Variants in XDH observed in about 807,000 individuals in gnomAD.
XDH encodes the protein xanthine dehydrogenase.
A neutral mutation model predicts 156.1 loss-of-function variants in XDH; 138 were observed. That is an observed-to-expected ratio of 0.88 (90% CI 0.77 to 1.02). The LOEUF (loss-of-function observed/expected upper bound fraction) is 1.02, where lower values mean the gene tolerates loss of function less well. Among genes scored for constraint, XDH ranks in the 50% least tolerant of loss-of-function variants. The pLI, the probability that XDH is intolerant of heterozygous loss-of-function variation, is 0.00. For missense variants in XDH, 1,849 were observed against 1,684.9 expected, an observed-to-expected ratio of 1.10 and a Z score of -1.71; for synonymous variants, 669 against 625.7, an observed-to-expected ratio of 1.07 and a Z score of -1.03.
chr2:31,373,592 G>C (rs1686140162), intron 16 of XDH, among the ~76,000 whole-genome samples: 1 of 151,848 alleles, frequency 6.6e-6, no homozygotes, highest in South Asian at 2.1e-4. Flanking sequence ...AAGACGTCTG[G>C]CTTTGTACAT....
chr2:31,367,843 C>A, intron 20 of XDH, 118 bp downstream of exon 20: 1 of 1,004,512 alleles, frequency 1.0e-6, no homozygotes, highest in African/African-American at 1.6e-5. Flanking sequence ...AAGAGGGAAT[C>A]TTCTGTCAGG....
rs538324562 is a variant in XDH at position 31,351,347 on chromosome 2, C to G, written c.2632-1124G>C. Among the ~76,000 whole-genome samples the G allele has an allele frequency of 1.2e-4, 19 of 152,190 alleles. No individual in the cohort carries two copies. In the South Asian group the frequency reaches 3.9e-3, roughly 32 times the overall value. ...TTACTAAGCCAACTTAAAGTTTTCCCCAATTCTAAAAATCTGCTCCTAATA... is the reference window on the plus strand; with the variant it reads ...TTACTAAGCCAACTTAAAGTTTTCCGCAATTCTAAAAATCTGCTCCTAATA... On this transcript the variant is annotated intron_variant, in intron 24 of 35. Transcript: ENST00000379416.
chr2:31,411,108 C>T (rs1029981360), intron 1 of XDH, among the ~76,000 whole-genome samples: 1 of 151,392 alleles, frequency 6.6e-6, no homozygotes, highest in African/African-American at 2.4e-5. Context: ...ATGGTAGAAC[C>T]CCAACTCTAC....
rs746555673 is a variant in XDH, at chr2:31,337,826, A to AGACAG, written c.3775-14_3775-10dup. ...GGCGGCTCTCCAACAGCCTGAACAC[A>AGACAG]GACAGGGCACAGGGCAGGGGCTCAG... is the stretch of plus-strand genomic sequence containing the variant. On this transcript the variant is annotated splice_polypyrimidine_tract_variant and intron_variant, in intron 34 of 35. Transcript: ENST00000379416. 1 of 1,613,734 alleles carries AGACAG rather than the reference A, an allele frequency of 6.2e-7. No homozygotes were observed. The highest frequency in any genetic ancestry group is 8.5e-7 in the Non-Finnish European group (1 of 1,179,902).
At chr2:31,336,088 A>G (rs1316149222) in intron 35 of XDH, 80 bp from the exon 36 acceptor site, 1 of 1,423,794 alleles carries the variant, frequency 7.0e-7, no homozygotes, top group Admixed American at 1.7e-5. Context: ...CTCACCTCCC[A>G]CCACTGCCAA....
chr2:31,340,194 G>A (rs575970990), intron 33 of XDH, among the ~76,000 whole-genome samples: 4 of 152,304 alleles, frequency 2.6e-5, no homozygotes, highest in South Asian at 4.1e-4. Context: ...GCTCAGAAGC[G>A]TGACATGGGG....
At chr2:31,413,475 A>T (rs1205941188) in intron 1 of XDH, among the ~76,000 whole-genome samples, 1 of 152,182 alleles carries the variant, frequency 6.6e-6, no homozygotes, top group African/African-American at 2.4e-5. Context: ...GGCACCACTC[A>T]AAGAGAGTCC....
chr2:31,401,487 G>A (rs1462470110), intron 3 of XDH, among the ~76,000 whole-genome samples, 159 bp from the exon 4 acceptor site: 1 of 152,158 alleles, frequency 6.6e-6, no homozygotes, highest in Admixed American at 6.5e-5. Context: ...CCTCTCCACT[G>A]AAGACTCTGG....
At chr2:31,356,530 A>G (rs533788133) in intron 24 of XDH, among the ~76,000 whole-genome samples, 61 of 152,312 alleles carry the variant, frequency 4.0e-4, no homozygotes, top group African/African-American at 1.4e-3. Flanking sequence ...AGACAAAGAC[A>G]GAGATTGGAC....
In XDH at chr2:31,365,555, C is replaced by A; in HGVS notation, c.2457-11G>T. 1 of 1,614,126 alleles carries A rather than the reference C, an allele frequency of 6.2e-7. No individual in the cohort carries two copies. The highest frequency in any genetic ancestry group is 8.5e-7 in the Non-Finnish European group (1 of 1,179,996). Reference sequence around the variant, plus strand: ...ACAGGGCGGCCGGTCCTGGGGGTTACCGACAGTGTTAGAAGCCTGTGAGCC... The same window carrying A: ...ACAGGGCGGCCGGTCCTGGGGGTTAACGACAGTGTTAGAAGCCTGTGAGCC... On this transcript the variant is annotated splice_polypyrimidine_tract_variant and intron_variant, in intron 22 of 35. Transcript: ENST00000379416.
At chr2:31,383,272 T>C in intron 10 of XDH, 120 bp from the exon 11 acceptor site, 5 of 1,491,510 alleles carry the variant, frequency 3.4e-6, no homozygotes, top group Non-Finnish European at 4.6e-6. Flanking sequence ...CTCACAGCTT[T>C]CCATGGATGA....
At chr2:31,367,495 G>C (rs1345635740) in intron 20 of XDH, among the ~76,000 whole-genome samples, 1 of 152,206 alleles carries the variant, frequency 6.6e-6, no homozygotes, top group Non-Finnish European at 1.5e-5. Context: ...GTAGTCAGCT[G>C]TGTTGTCCTG....
At chr2:31,376,626 A>C (rs1283754107) in intron 14 of XDH, among the ~76,000 whole-genome samples, 1 of 149,840 alleles carries the variant, frequency 6.7e-6, no homozygotes, top group African/African-American at 2.4e-5. Flanking sequence ...AATACTAATC[A>C]TAATAGTGAC....
At chr2:31,393,765 T>C (rs1251398731) in intron 6 of XDH, among the ~76,000 whole-genome samples, 1 of 151,680 alleles carries the variant, frequency 6.6e-6, no homozygotes, top group Non-Finnish European at 1.5e-5. Context: ...TCATCTCCTT[T>C]CCTTTCATAA....
In XDH at chr2:31,348,278, T is replaced by G. The variant is rs772219689; in HGVS notation, c.3137A>C (p.Lys1046Thr). The G allele has an allele frequency of 6.2e-7, 1 of 1,614,190 alleles. No individual in the cohort carries two copies. The highest frequency in any genetic ancestry group is 8.5e-7 in the Non-Finnish European group (1 of 1,180,020). Residue 1046 changes from lysine (K) to threonine (T), a missense_variant, in exon 28 of 36, where the codon AAA (lysine) becomes ACA (threonine). Transcript: ENST00000379416. The part of the protein sequence containing the change: ...GTEMGQGLHT[K>T]MVQVASRALK... ...GAGAGGGCTGCTCACCTGGACCATT[T>G]TGGTATGAAGGCCTTGGCCCATCTC...
Position 31,382,894 on chromosome 2 carries a change from C to G in XDH, c.1038+107G>C, listed in dbSNP as rs138077346. ...ACTGCTCCTCCCAGGCAACTCTAAGCGCTAAAGTTTGAGGCCCACTGCACT... is the reference window on the plus strand; with the variant it reads ...ACTGCTCCTCCCAGGCAACTCTAAGGGCTAAAGTTTGAGGCCCACTGCACT... On this transcript the variant is annotated intron_variant, in intron 11 of 35. Coordinates refer to ENST00000379416, the MANE Select transcript of XDH (RefSeq NM_000379.4). The G allele has an allele frequency of 3.4e-4, 525 of 1,532,670 alleles. 3 individuals carry two copies. In the African/African-American group the frequency reaches 6.2e-3, roughly 18 times the overall value. The allele number at this position is 1,532,670 out of a possible 1,614,324, so 94.9% of individuals were successfully genotyped here. A position where few individuals can be genotyped will look rare whatever the true frequency, so the allele number is the denominator to read the frequency against.
intron 16 of XDH, among the ~76,000 whole-genome samples, chr2:31,372,854 A>G (rs1410876398): frequency 2.0e-5 from 3 of 152,202 alleles, no homozygotes; most frequent in African/African-American, 7.2e-5. Flanking sequence ...CACATAGGAA[A>G]TAATGAAAAG....
chr2:31,386,463 G>T lies in XDH; in HGVS notation c.744C>A (p.Leu248=), dbSNP rs1558307331. Residue 248 remains leucine (L), a synonymous_variant, in exon 9 of 36, where the codon CTC becomes CTA. Transcript: ENST00000379416. ...GCTTGGCGTCAGGGTGCTGAGCCTT[G>T]AGGTCCAGCAGCTCCTTGAGGGTTG... ...QASTLKELLD[L]KAQHPDAKLV... 3.1e-6 allele frequency: 5 copies of T among 1,614,010 alleles called. No individual in the cohort carries two copies. Among genetic ancestry groups the T allele is most frequent in the Non-Finnish European group, 4.2e-6 (5 of 1,180,020 alleles).
chr2:31,349,104 G>A (rs1341227249), intron 26 of XDH, 124 bp from the exon 27 acceptor site: 2 of 900,538 alleles, frequency 2.2e-6, no homozygotes, highest in Non-Finnish European at 3.5e-6. Flanking sequence ...ACAGTCAGCT[G>A]GTGCACAGCC....
Sources: gnomAD v4.1 joint callset for allele counts (sites outside exome capture counted in the v4.1 genomes callset) on GRCh38, gnomAD v4.1.1 for gene constraint, MANE v1.5 for transcripts, NCBI Gene and HGNC (gene_info 2026-07-23, HGNC 2026-07-21) for gene names.